ATE1: variants seen among roughly 807,000 people sequenced by gnomAD.
ATE1 encodes the protein arginyl-tRNA--protein transferase 1.
Under a neutral mutation model 70.5 loss-of-function variants are expected in ATE1, and 36 were observed. The ratio of observed to expected loss-of-function variants is 0.51; its 90% CI spans 0.39 to 0.67. ATE1 has a LOEUF of 0.67. ATE1 is among the 30% of genes least tolerant of loss of function. ATE1 has a pLI of 0.00. For synonymous variants in ATE1, 232 were observed against 219.3 expected (o/e 1.06, Z -0.51); for missense variants, 593 against 629.5 (o/e 0.94, Z 0.62).
At chr10:121,861,063 A>AT (rs1949450276) in intron 8 of ATE1, among the ~76,000 whole-genome samples, 1 of 152,092 alleles carries the variant, frequency 6.6e-6, no homozygotes, top group East Asian at 1.9e-4. Flanking sequence ...CTATTCAAAC[A>AT]TTTTCTGAAG....
chr10:121,794,568 T>G (rs1946577898), intron 10 of ATE1, among the ~76,000 whole-genome samples: 1 of 138,548 alleles, frequency 7.2e-6, no homozygotes, highest in Non-Finnish European at 1.5e-5. Context: ...CAGCAGTGAT[T>G]GTGTCACTGC....
At chr10:121,816,509 G>A (rs1947548659) in intron 10 of ATE1, among the ~76,000 whole-genome samples, 1 of 152,194 alleles carries the variant, frequency 6.6e-6, no homozygotes, top group Non-Finnish European at 1.5e-5. Flanking sequence ...TAAGGGCACT[G>A]TGTTTGTTCC....
At chr10:121,912,394 G>A (rs2134450574) in intron 4 of ATE1, among the ~76,000 whole-genome samples, 1 of 151,378 alleles carries the variant, frequency 6.6e-6, no homozygotes, top group African/African-American at 2.4e-5. Flanking sequence ...GCTCACACCT[G>A]TAATCCCAGC....
At chr10:121,905,711 G>A (rs1021415629) in intron 5 of ATE1, among the ~76,000 whole-genome samples, 6 of 151,980 alleles carry the variant, frequency 3.9e-5, no homozygotes, top group African/African-American at 9.7e-5. Flanking sequence ...CGGGAGTGTC[G>A]GCGTGCACCT....
Position 121,913,878 on chromosome 10 carries a change from T to C in ATE1, c.249A>G (p.Gln83=), listed in dbSNP as rs373058397. 1.2e-6 allele frequency: 2 copies of C among 1,612,582 alleles called. No homozygotes were observed. The highest frequency in any genetic ancestry group is 1.3e-5 in the African/African-American group (1 of 74,996). ...TCTTGTGAGATTTTGAAGGCTGAAA[T>C]TGTAAAGGTCGGCACCTAGGAAAGC... is the stretch of plus-strand genomic sequence containing the variant. The part of the protein sequence containing the change: ...PQYTIRCRPL[Q]FQPSKSHKKV... Residue 83 remains glutamine (Q), a synonymous_variant, in exon 4 of 12, where the codon CAA becomes CAG. Transcript: ENST00000224652.
intron 10 of ATE1, among the ~76,000 whole-genome samples, chr10:121,828,140 T>A (rs1948098106): frequency 1.3e-5 from 2 of 152,226 alleles, no homozygotes; most frequent in Admixed American, 1.3e-4. Flanking sequence ...AGCACATCTC[T>A]AGGCATGACT....
chr10:121,777,641 T>C (rs1004414398), intron 11 of ATE1, among the ~76,000 whole-genome samples: 7 of 152,190 alleles, frequency 4.6e-5, no homozygotes, highest in African/African-American at 1.7e-4. Context: ...TCCTGCAACC[T>C]TGCTAAAATT....
At chr10:121,774,917 A>G (rs1945672322) in intron 11 of ATE1, among the ~76,000 whole-genome samples, 1 of 152,236 alleles carries the variant, frequency 6.6e-6, no homozygotes, top group African/African-American at 2.4e-5. Context: ...CTTTGACTAT[A>G]TTACAAAATG....
intron 1 of ATE1, chr10:121,927,414 T>C (rs1217418101): frequency 8.1e-6 from 8 of 984,650 alleles, no homozygotes; most frequent in Non-Finnish European, 9.6e-6. Context: ...GTCTGATTCA[T>C]ACATGACCGG....
At chr10:121,762,714 T>C (rs1388557005) in intron 11 of ATE1, among the ~76,000 whole-genome samples, 1 of 152,214 alleles carries the variant, frequency 6.6e-6, no homozygotes, top group African/African-American at 2.4e-5. Context: ...GCTACGGGGA[T>C]AGGCTCCGGT....
intron 8 of ATE1, among the ~76,000 whole-genome samples, chr10:121,869,720 G>C (rs181081775): frequency 6.6e-6 from 1 of 152,062 alleles, no homozygotes; most frequent in Non-Finnish European, 1.5e-5. Context: ...GATACAACAA[G>C]CCTCTTTAAA....
At chr10:121,845,919 A>G (rs1948801958) in intron 8 of ATE1, among the ~76,000 whole-genome samples, 1 of 152,182 alleles carries the variant, frequency 6.6e-6, no homozygotes, top group Non-Finnish European at 1.5e-5. Context: ...GCATACACAC[A>G]TATTTCTTTG....
intron 1 of ATE1, among the ~76,000 whole-genome samples, chr10:121,925,313 G>C (rs1952040998): frequency 6.6e-6 from 1 of 151,996 alleles, no homozygotes; most frequent in Non-Finnish European, 1.5e-5. Flanking sequence ...CCAGCTACTT[G>C]GGAGGCTGAG....
intron 8 of ATE1, among the ~76,000 whole-genome samples, chr10:121,852,528 T>C (rs987502838): frequency 3.3e-5 from 5 of 151,932 alleles, no homozygotes; most frequent in Non-Finnish European, 7.4e-5. Context: ...CTGGCCAACA[T>C]GGCGAAACCC....
At chr10:121,807,586 C>A (rs1390224329) in intron 10 of ATE1, among the ~76,000 whole-genome samples, 1 of 152,100 alleles carries the variant, frequency 6.6e-6, no homozygotes, top group African/African-American at 2.4e-5. Flanking sequence ...AGATGATGCA[C>A]GTGATGACAC....
chr10:121,786,221 TTTTTTTTTTTTG>T, intron 11 of ATE1, among the ~76,000 whole-genome samples: 1 of 145,560 alleles, frequency 6.9e-6, no homozygotes, highest in East Asian at 2.0e-4. Flanking sequence ...TTTTTTTTTT[TTTTTTTTTTTTG>T]TAAATCTGGA....
At chr10:121,908,954 G>A (rs1190303484) in intron 5 of ATE1, among the ~76,000 whole-genome samples, 1 of 152,186 alleles carries the variant, frequency 6.6e-6, no homozygotes, top group South Asian at 2.1e-4. Flanking sequence ...ACCCAGTTGA[G>A]GAATGATGGA....
chr10:121,817,388 A>T (rs1041456764), intron 10 of ATE1, among the ~76,000 whole-genome samples: 2 of 152,128 alleles, frequency 1.3e-5, no homozygotes, highest in African/African-American at 4.8e-5. Context: ...CACACAAAAA[A>T]ATTAGCCGGG....
intron 7 of ATE1, among the ~76,000 whole-genome samples, chr10:121,893,707 TC>T (rs1199404005): frequency 6.6e-6 from 1 of 152,142 alleles, no homozygotes; most frequent in Non-Finnish European, 1.5e-5. Context: ...AAGATCTCTA[TC>T]TTAAATACTA....
Sources: allele counts gnomAD v4.1 joint callset (sites outside exome capture counted in the v4.1 genomes callset), GRCh38; gene constraint gnomAD v4.1.1; transcripts MANE v1.5; gene names NCBI Gene and HGNC (gene_info 2026-07-23, HGNC 2026-07-21).